Variants in ERCC1 observed in about 807,000 individuals in gnomAD.
ERCC1 encodes ERCC excision repair 1, endonuclease non-catalytic subunit.
ERCC1 carries 36 observed loss-of-function variants against 37.6 expected under a neutral mutation model. The ratio of observed to expected loss-of-function variants is 0.96; its 90% CI spans 0.73 to 1.26. The LOEUF (loss-of-function observed/expected upper bound fraction) is 1.26. ERCC1 is among the 50% of genes most tolerant of loss of function. The pLI is 0.00. For synonymous variants in ERCC1, 156 were observed against 162.1 expected, an observed-to-expected ratio of 0.96 and a Z score of 0.28; for missense variants, 349 against 376.5, an observed-to-expected ratio of 0.93 and a Z score of 0.60.
intron 6 of ERCC1, among the ~76,000 whole-genome samples, chr19:45,415,649 A>C (rs1225566574): frequency 6.6e-6 from 1 of 151,408 alleles, no homozygotes; most frequent in Non-Finnish European, 1.5e-5. Context: ...AAAAAAAAAA[A>C]AAAAAAAAAC....
chr19:45,442,149 G>GA (rs1568600725), intron 1 of ERCC1, among the ~76,000 whole-genome samples: 2 of 148,794 alleles, frequency 1.3e-5, no homozygotes, highest in Non-Finnish European at 3.0e-5. Context: ...TCATCTCTGG[G>GA]AAAAAAATTT....
chr19:45,416,608 A>AGCC, intron 6 of ERCC1: 1 of 552,436 alleles, frequency 1.8e-6, no homozygotes, highest in Non-Finnish European at 3.2e-6. Context: ...ACTGCACTTC[A>AGCC]GCCTAGGGGA....
chr19:45,418,978 C>A, intron 5 of ERCC1, 120 bp downstream of exon 5: 1 of 748,880 alleles, frequency 1.3e-6, no homozygotes, highest in Non-Finnish European at 2.4e-6. Context: ...CATGTCATCT[C>A]AGATGTGAAA....
At chr19:45,412,585 G>T (rs1019591392) in intron 9 of ERCC1, among the ~76,000 whole-genome samples, 10 of 152,010 alleles carry the variant, frequency 6.6e-5, no homozygotes, top group Admixed American at 5.2e-4. Flanking sequence ...TTTTTGATTG[G>T]ATTATTATAT....
Position 45,430,918 on chromosome 19 carries a change from AC to A in ERCC1, c.-7-7538del, listed in dbSNP as rs533573763. On this transcript the variant is annotated intron_variant, in intron 1 of 8. Coordinates refer to the ERCC1 transcript ENST00000423698. ...CAAGACCTCGTCTCAAAAAAAAATT[AC>A]CATAATAATATTGACATAATATATG... Among the ~76,000 whole-genome samples the A allele has an allele frequency of 3.9e-5, 6 of 152,164 alleles. No homozygotes were observed. In the East Asian group the frequency reaches 1.2e-3, roughly 29 times the overall value.
At chr19:45,433,768 T>A (rs1443674832) in intron 1 of ERCC1, among the ~76,000 whole-genome samples, 1 of 151,264 alleles carries the variant, frequency 6.6e-6, no homozygotes, top group African/African-American at 2.4e-5. Flanking sequence ...ATGTGGAACA[T>A]CATTTTAACT....
rs775232610 is a variant in ERCC1, at chr19:45,408,319, C to G, written c.*1356G>C. 1 of 1,610,080 alleles carries G rather than the reference C, an allele frequency of 6.2e-7. No homozygotes were observed. The highest frequency in any genetic ancestry group is 8.5e-7 in the Non-Finnish European group (1 of 1,177,328). ...CAGCCCCCCAGGGCACCCTAAGGAT[C>G]CTTGAGGGTCCCCAGCAATCCCTGT... On this transcript the variant is annotated 3_prime_UTR_variant, in exon 10 of 10. Coordinates refer to ENST00000300853, the MANE Select transcript of ERCC1 (RefSeq NM_001983.4).
intron 6 of ERCC1, 26 bp from the exon 7 acceptor site, chr19:45,414,986 C>T (rs367887072): frequency 2.7e-5 from 42 of 1,541,238 alleles, no homozygotes; most frequent in Middle Eastern, 1.7e-4. Context: ...ACAGGGCAGC[C>T]GGGAGGTGAG....
chr19:45,412,244 C>T (rs111923351), intron 9 of ERCC1, among the ~76,000 whole-genome samples: 3,229 of 151,558 alleles, frequency 0.021, 130 homozygotes, highest in African/African-American at 0.072. Flanking sequence ...CTGCAACCTC[C>T]GTCTCCCGGG....
intron 9 of ERCC1, among the ~76,000 whole-genome samples, chr19:45,411,116 G>A (rs936662503): frequency 2.6e-5 from 4 of 152,088 alleles, no homozygotes; most frequent in Admixed American, 1.3e-4. Context: ...GAGCCACCGC[G>A]CCCAGCCAGG....
At chr19:45,430,074 G>A (rs928227227) in intron 1 of ERCC1, among the ~76,000 whole-genome samples, 2 of 152,146 alleles carry the variant, frequency 1.3e-5, no homozygotes, top group African/African-American at 2.4e-5. Flanking sequence ...ATGAGCCACC[G>A]CGTCCAGCCG....
rs1973780952 is a variant in ERCC1, at chr19:45,412,136, G to A, written c.843+1541C>T. On this transcript the variant is annotated intron_variant, in intron 9 of 9. Transcript: ENST00000300853. ...GGCCTCCCAAAGTGTTGGGATTACA[G>A]GCGTGAGCCACCATGCCCGGCCTAT... 2.0e-5 allele frequency among the ~76,000 whole-genome samples: 3 copies of A among 151,810 alleles called. 1 individual carries two copies. In the South Asian group the frequency reaches 6.3e-4, roughly 32 times the overall value.
chr19:45,437,637 T>C (rs1409280672), intron 1 of ERCC1, among the ~76,000 whole-genome samples: 2 of 152,164 alleles, frequency 1.3e-5, no homozygotes, highest in Admixed American at 1.3e-4. Flanking sequence ...CACTTTTATA[T>C]GGAATCTTAA....
At chr19:45,417,694 T>A (rs2123491414) in intron 5 of ERCC1, among the ~76,000 whole-genome samples, 1 of 151,410 alleles carries the variant, frequency 6.6e-6, no homozygotes, top group Middle Eastern at 3.4e-3. Flanking sequence ...GCCATGTGAG[T>A]TTTATGATCT....
chr19:45,410,132 C>G (rs1450686340), intron 9 of ERCC1: 1 of 154,956 alleles, frequency 6.5e-6, no homozygotes, highest in Admixed American at 6.6e-5. Flanking sequence ...CCTGATGCGC[C>G]TGCCTCAGCC....
At chr19:45,445,943 CAA>C (rs1355636837) in intron 1 of ERCC1, among the ~76,000 whole-genome samples, 1 of 152,134 alleles carries the variant, frequency 6.6e-6, no homozygotes, top group Non-Finnish European at 1.5e-5. Flanking sequence ...AGCTGGAGTG[CAA>C]TGGCGTGGTC....
chr19:45,428,525 T>A (rs1350100199), upstream of ERCC1, among the ~76,000 whole-genome samples: 2 of 152,164 alleles, frequency 1.3e-5, no homozygotes, highest in Non-Finnish European at 2.9e-5. Flanking sequence ...ACGCCCCAAG[T>A]TCCAGAATTC....
chr19:45,419,216 G>T lies in ERCC1; in HGVS notation c.426-19C>A, dbSNP rs201856533. The T allele has an allele frequency of 1.3e-6, 2 of 1,547,574 alleles. No individual in the cohort carries two copies. Among genetic ancestry groups the T allele is most frequent in the South Asian group, 2.3e-5 (2 of 85,620 alleles). Reference sequence around the variant, plus strand: ...GCGGAGGCTGGTGGGGGCAGGGAGCGGGAGTTGAGAGGTCTCAGTCTCTTC... The same window carrying T: ...GCGGAGGCTGGTGGGGGCAGGGAGCTGGAGTTGAGAGGTCTCAGTCTCTTC... On this transcript the variant is annotated intron_variant, in intron 4 of 9. Transcript: ENST00000300853.
intron 1 of ERCC1, among the ~76,000 whole-genome samples, chr19:45,445,109 T>A (rs1235294425): frequency 6.6e-6 from 1 of 152,178 alleles, no homozygotes; most frequent in Non-Finnish European, 1.5e-5. Context: ...CTCCGCCTCC[T>A]GAGTTCAAGC....
Sources: gnomAD v4.1 joint callset for allele counts (sites outside exome capture counted in the v4.1 genomes callset) on GRCh38, gnomAD v4.1.1 for gene constraint, MANE v1.5 for transcripts, NCBI Gene and HGNC (gene_info 2026-07-23, HGNC 2026-07-21) for gene names.